The following SPG7 variants were observed in gnomAD, a reference collection of about 807,000 sequenced individuals.
SPG7 encodes the protein SPG7 matrix AAA peptidase subunit, paraplegin.
Under a neutral mutation model 81.9 loss-of-function variants are expected in SPG7, and 103 were observed. The observed-to-expected ratio is 1.26, with a 90% CI of 1.07 to 1.48. SPG7 has a LOEUF of 1.48. Among genes scored for constraint, SPG7 ranks in the 40% most tolerant of loss-of-function variants. SPG7 has a pLI of 0.00. For synonymous variants in SPG7, 534 were observed against 444.2 expected (o/e 1.20, Z -2.54); for missense variants, 1,241 against 1,087.3 (o/e 1.14, Z -1.99).
At position 89,524,126 on chromosome 16, in the gene SPG7, C is replaced by T; in HGVS notation, c.497C>T (p.Ser166Phe). Residue 166 changes from serine to phenylalanine, a missense_variant, in exon 4 of 17, where the codon TCC (serine) becomes TTC (phenylalanine). Ser to Phe is a radical substitution (Grantham distance 155, BLOSUM62 -2). Coordinates refer to ENST00000645818, the MANE Select transcript of SPG7 (RefSeq NM_003119.4). ...NALSTSGGSI[S>F]WNDFVHEMLA... is the part of the protein sequence containing the mutation. ...CTCAGCACCAGCGGAGGCAGCATTT[C>T]CTGGAACGACTTTGTCCACGAGATG... 1.2e-6 allele frequency: 2 copies of T among 1,614,114 alleles called. No homozygotes were observed. The highest frequency in any genetic ancestry group is 1.7e-6 in the Non-Finnish European group (2 of 1,180,038).
chr16:89,550,808 G>A (rs1401873433), intron 13 of SPG7, among the ~76,000 whole-genome samples, 199 bp downstream of exon 13: 1 of 152,206 alleles, frequency 6.6e-6, no homozygotes, highest in Non-Finnish European at 1.5e-5. Flanking sequence ...ACTGATGGGC[G>A]GGAACTCGGA....
In SPG7 at chr16:89,529,233, G is replaced by A. The variant is rs2058308520; in HGVS notation, c.759-244G>A. The A allele has an allele frequency of 1.6e-5, 9 of 573,878 alleles. No homozygotes were observed. In the South Asian group the frequency reaches 1.8e-4, roughly 11 times the overall value. 35.5% of individuals were successfully genotyped at this position (573,878 alleles called of 1,614,324 possible). On this transcript the variant is annotated intron_variant, in intron 5 of 16. Coordinates refer to ENST00000645818, the MANE Select transcript of SPG7 (RefSeq NM_003119.4). ...GAACGTTGTTATTGTCACAAGGCTG[G>A]CTAGATCTCCGGCATCTGCACACTC... is the stretch of plus-strand genomic sequence containing the variant.
intron 6 of SPG7, chr16:89,530,285 C>T: frequency 2.9e-6 from 1 of 343,334 alleles, no homozygotes. Flanking sequence ...GCTGTGACTA[C>T]AGGTGCCTGC....
At chr16:89,553,497 C>T in intron 14 of SPG7, 1 of 535,338 alleles carries the variant, frequency 1.9e-6, no homozygotes, top group South Asian at 2.1e-5. Context: ...GGCTCCAGGT[C>T]CATGGGTTTG....
chr16:89,556,834 A>G, intron 16 of SPG7, 53 bp from the exon 17 acceptor site: 1 of 1,402,998 alleles, frequency 7.1e-7, no homozygotes, highest in East Asian at 2.3e-5. Flanking sequence ...CAGGACATAG[A>G]GATGCTCTGT....
intron 9 of SPG7, chr16:89,544,273 T>G: frequency 1.6e-5 from 5 of 311,396 alleles, no homozygotes; most frequent in Admixed American, 4.4e-5. Flanking sequence ...TAAAGCTGGG[T>G]GTTAGCTAAA....
chr16:89,523,149 T>C, intron 3 of SPG7: 1 of 160,552 alleles, frequency 6.2e-6, no homozygotes, highest in Non-Finnish European at 1.4e-5. Context: ...CTGAGGAAGG[T>C]AATTTAGAAG....
Position 89,530,667 on chromosome 16 carries a change from T to G in SPG7, c.862-16T>G, listed in dbSNP as rs199954282. The G allele has an allele frequency of 2.4e-4, 388 of 1,614,152 alleles. 3 individuals carry two copies. The highest frequency in any genetic ancestry group is 2.3e-3 in the Middle Eastern group (14 of 6,060). On this transcript the variant is annotated splice_polypyrimidine_tract_variant and intron_variant, in intron 6 of 16. Coordinates refer to ENST00000645818, the MANE Select transcript of SPG7 (RefSeq NM_003119.4). ...TGACTTCGCCCAGCTCCTTGCACTT[T>G]GTTCTTTCTGCACAGAATCAGCTTA...
intron 5 of SPG7, chr16:89,527,368 A>C (rs2058278576): frequency 6.6e-6 from 1 of 152,290 alleles, no homozygotes; most frequent in Non-Finnish European, 1.5e-5. Flanking sequence ...CCAAATGGTC[A>C]GAGTGAGTGT....
rs375322347 is a variant in SPG7, at chr16:89,547,872, C to G, written c.1553-131C>G. 1.3e-3 allele frequency: 1,012 copies of G among 763,826 alleles called. 4 individuals carry two copies. In the African/African-American group the frequency reaches 0.015, roughly 12 times the overall value. 47.3% of individuals were successfully genotyped at this position (763,826 alleles called of 1,614,324 possible). Reference sequence around the variant, plus strand: ...AGGTGATCTGCCCACCTCAGCCTCCCAAAGTGCTGGGATTACAGGGGTGAG... The same window carrying G: ...AGGTGATCTGCCCACCTCAGCCTCCGAAAGTGCTGGGATTACAGGGGTGAG... On this transcript the variant is annotated intron_variant, in intron 11 of 16. Coordinates refer to ENST00000645818, the MANE Select transcript of SPG7 (RefSeq NM_003119.4).
At chr16:89,509,996 A>G (rs2057991619) in intron 1 of SPG7, among the ~76,000 whole-genome samples, 1 of 149,060 alleles carries the variant, frequency 6.7e-6, no homozygotes, top group South Asian at 2.1e-4. Flanking sequence ...GTTTTTTGAG[A>G]TGGAGTTTCC....
intron 3 of SPG7, among the ~76,000 whole-genome samples, chr16:89,514,959 C>T (rs1296190771): frequency 2.4e-5 from 3 of 123,874 alleles, no homozygotes; most frequent in Non-Finnish European, 3.2e-5. Flanking sequence ...TTTTTTGAGA[C>T]GGAGTCTCGC....
At chr16:89,530,627 G>C (rs772037583) in intron 6 of SPG7, 56 bp from the exon 7 acceptor site, 98 of 1,612,416 alleles carry the variant, frequency 6.1e-5, no homozygotes, top group Non-Finnish European at 7.9e-5. Context: ...CGCTGGCATC[G>C]TGCTGCTGAT....
chr16:89,529,947 C>G (rs973699738), intron 6 of SPG7: 2 of 331,544 alleles, frequency 6.0e-6, no homozygotes, highest in South Asian at 2.6e-5. Context: ...TCAAGCAATT[C>G]TCCTGCCTCA....
intron 13 of SPG7, chr16:89,552,679 A>G: frequency 2.4e-6 from 1 of 420,740 alleles, no homozygotes. Flanking sequence ...CGGGGGTGAA[A>G]CTTGTCCTTC....
intron 4 of SPG7, 106 bp downstream of exon 4, chr16:89,524,353 G>A (rs1480867612): frequency 2.3e-6 from 3 of 1,324,546 alleles, no homozygotes; most frequent in Admixed American, 4.3e-5. Context: ...GGCGCTGGCT[G>A]TTGCCATCCT....
intron 7 of SPG7, 144 bp downstream of exon 7, chr16:89,530,952 A>C (rs1380677216): frequency 2.8e-6 from 3 of 1,082,536 alleles, no homozygotes; most frequent in Non-Finnish European, 4.2e-6. Flanking sequence ...TGGGGACACC[A>C]AGCAGGTGCT....
rs1567937119 is a variant in SPG7, at chr16:89,557,337, C to T, written c.*244C>T. The T allele has an allele frequency of 1.8e-5, 10 of 546,622 alleles. No individual in the cohort carries two copies. The highest frequency in any genetic ancestry group is 1.3e-4 in the East Asian group (4 of 31,610). 33.9% of individuals were successfully genotyped at this position (546,622 alleles called of 1,614,324 possible). On this transcript the variant is annotated 3_prime_UTR_variant, in exon 17 of 17. Transcript: ENST00000645818. Reference sequence around the variant, plus strand: ...TATGGGGAAGGTTATCAGTGCTTCCCGAGTGAGCATGGAACACTTCGAGTT... The same window carrying T: ...TATGGGGAAGGTTATCAGTGCTTCCTGAGTGAGCATGGAACACTTCGAGTT...
intron 9 of SPG7, chr16:89,544,291 A>G (rs562825306): frequency 3.0e-5 from 10 of 336,216 alleles, no homozygotes; most frequent in African/African-American, 1.9e-4. Context: ...AAAATGTTAC[A>G]AAGTCACAAT....
Sources: gnomAD v4.1 joint callset for allele counts (sites outside exome capture counted in the v4.1 genomes callset) on GRCh38, gnomAD v4.1.1 for gene constraint, MANE v1.5 for transcripts, NCBI Gene and HGNC (gene_info 2026-07-23, HGNC 2026-07-21) for gene names.